The following NPHP3 variants were observed in gnomAD, a reference collection of about 807,000 sequenced individuals.
NPHP3 encodes nephrocystin 3, also known as nephrocystin-3.
Under a neutral mutation model 171.9 loss-of-function variants are expected in NPHP3, and 123 were observed. That is an observed-to-expected ratio of 0.72 (90% CI 0.62 to 0.83). The LOEUF (loss-of-function observed/expected upper bound fraction) is 0.83, where lower values mean the gene tolerates loss of function less well. NPHP3 is among the 40% of genes least tolerant of loss of function. The pLI, the probability that NPHP3 is intolerant of heterozygous loss-of-function variation, is 0.00. For missense variants in NPHP3, 1,506 were observed against 1,591.9 expected, an observed-to-expected ratio of 0.95 and a Z score of 0.92; for synonymous variants, 558 against 579.2, an observed-to-expected ratio of 0.96 and a Z score of 0.52.
chr3:132,704,679 C>T (rs960322878), intron 8 of NPHP3, among the ~76,000 whole-genome samples: 3 of 152,014 alleles, frequency 2.0e-5, no homozygotes, highest in African/African-American at 7.3e-5. Context: ...TTGTATCTGG[C>T]TGGTGAATAG....
intron 6 of NPHP3, among the ~76,000 whole-genome samples, chr3:132,709,371 C>T (rs781400173): frequency 1.4e-5 from 2 of 143,540 alleles, no homozygotes; most frequent in African/African-American, 2.5e-5. Context: ...CAGCTTTAAC[C>T]TCCTGGGCTC....
At chr3:132,696,119 CTT>C (rs11287660) in intron 15 of NPHP3, among the ~76,000 whole-genome samples, 1 of 145,520 alleles carries the variant, frequency 6.9e-6, no homozygotes, top group African/African-American at 2.5e-5. Flanking sequence ...ATGTATTAAT[CTT>C]TTTTTTTTTT....
Position 132,721,985 on chromosome 3 carries a change from T to C in NPHP3, c.371A>G (p.Lys124Arg). 1 of 1,613,090 alleles carries C rather than the reference T, an allele frequency of 6.2e-7. No individual in the cohort carries two copies. The highest frequency in any genetic ancestry group is 1.3e-5 in the African/African-American group (1 of 75,052). Residue 124 changes from lysine (K) to arginine (R), a missense_variant, in exon 1 of 27, where the codon AAG becomes AGG. Physicochemically the swap from Lys to Arg is conservative, Grantham distance 26. Coordinates refer to ENST00000337331, the MANE Select transcript of NPHP3 (RefSeq NM_153240.5). Reference protein sequence around the residue: ...RREAKLDTENKRLRAELQALQ... With the variant: ...RREAKLDTENRRLRAELQALQ... ...TACCTGCAGTTCGGCCCGCAGCCGCTTGTTCTCCGTGTCCAGCTTGGCCTC... is the reference window on the plus strand; with the variant it reads ...TACCTGCAGTTCGGCCCGCAGCCGCCTGTTCTCCGTGTCCAGCTTGGCCTC...
chr3:132,692,161 G>A (rs116210047), intron 17 of NPHP3, among the ~76,000 whole-genome samples: 4,279 of 152,210 alleles, frequency 0.028, 183 homozygotes, highest in African/African-American at 0.096. Flanking sequence ...TTGTAGCCTG[G>A]GAGCAATAGG....
rs794727311 is a variant in NPHP3, at chr3:132,719,706, T to G, written c.518A>C (p.Lys173Thr). 1 of 1,555,402 alleles carries G rather than the reference T, an allele frequency of 6.4e-7. No homozygotes were observed. The highest frequency in any genetic ancestry group is 1.8e-5 in the Admixed American group (1 of 55,780). Residue 173 changes from lysine to threonine, a missense_variant and splice_region_variant, in exon 2 of 27, where the codon AAG (lysine) becomes ACG (threonine). Physicochemically the swap from Lys to Thr is moderately conservative, Grantham distance 78. Around this residue, in one of 3 missense-constraint regions of NPHP3, gnomAD observed 930 missense variants for 924.9 expected, o/e 1.01. Coordinates refer to ENST00000337331, the MANE Select transcript of NPHP3 (RefSeq NM_153240.5). ...GGGGTAAAAATGTAAGGAATTTACC[T>G]TGAATTGCCTTTTAACTTTATCTCT... ...HDRDKVKRQF[K>T]IFRETKENEI...
chr3:132,682,503 T>C, intron 26 of NPHP3, 200 bp downstream of exon 26: 1 of 597,520 alleles, frequency 1.7e-6, no homozygotes. Flanking sequence ...GATGCATACA[T>C]ATGCTCCTCT....
At chr3:132,685,723 T>C (rs141277031) in intron 23 of NPHP3, 1 of 155,384 alleles carries the variant, frequency 6.4e-6, no homozygotes, top group African/African-American at 2.4e-5. Context: ...ATATATAAAA[T>C]ACACCAGGGA....
intron 6 of NPHP3, 32 bp from the exon 7 acceptor site, chr3:132,708,289 AC>A: frequency 6.2e-7 from 1 of 1,607,000 alleles, no homozygotes; most frequent in Non-Finnish European, 8.5e-7. Context: ...TGTGTGCTAT[AC>A]TGCATTGTGG....
rs1939334269 is a variant in NPHP3, at chr3:132,692,830, A to C, written c.2311-12T>G. On this transcript the variant is annotated splice_polypyrimidine_tract_variant and intron_variant, in intron 16 of 26. Coordinates refer to ENST00000337331, the MANE Select transcript of NPHP3 (RefSeq NM_153240.5). ...ACAAGGCAGAGGATCTAGGTAGAAA[A>C]ACAAATTAACAGTAATCATAAAGCA... The C allele has an allele frequency of 1.2e-6, 2 of 1,612,214 alleles. No homozygotes were observed. The highest frequency in any genetic ancestry group is 1.7e-6 in the Non-Finnish European group (2 of 1,178,354).
intron 6 of NPHP3, among the ~76,000 whole-genome samples, chr3:132,709,272 CTTTTTTTTTTTTT>C (rs3046397): frequency 1.1e-4 from 8 of 75,966 alleles, no homozygotes; most frequent in African/African-American, 3.9e-4. Context: ...CTTTCTCTCC[CTTTTTTTTTTTTT>C]TTTTTTTTTT....
intron 26 of NPHP3, 145 bp from the exon 27 acceptor site, chr3:132,682,235 A>G (rs1282403126): frequency 2.8e-6 from 2 of 705,868 alleles, no homozygotes; most frequent in East Asian, 2.7e-5. Context: ...GCAGACCAGT[A>G]AAACAACACC....
In NPHP3 at chr3:132,716,826, ACTG is replaced by A; in HGVS notation, c.751_753del (p.Gln251del). On this transcript the variant is annotated inframe_deletion, in exon 4 of 27. Coordinates refer to ENST00000337331, the MANE Select transcript of NPHP3 (RefSeq NM_153240.5). The stretch of plus-strand genomic sequence containing the variant: ...TGGGCAAACTCAGGGCCTCTGAAGG[ACTG>A]CTGAAGCTGGATCATGCTTCCTATG... 6.2e-7 allele frequency: 1 copy of A among 1,614,204 alleles called. No homozygotes were observed. Among genetic ancestry groups the A allele is most frequent in the Non-Finnish European group, 8.5e-7 (1 of 1,180,018 alleles).
chr3:132,702,912 T>A lies in NPHP3; in HGVS notation c.1524+1286A>T, dbSNP rs207463726. Among the ~76,000 whole-genome samples, 9 of 152,280 alleles carry A rather than the reference T, an allele frequency of 5.9e-5. No homozygotes were observed. The South Asian group carries it at 1.7e-3, about 28-fold the overall frequency. The stretch of plus-strand genomic sequence containing the variant: ...TCCATGCTTCCCAGGTTAAGACCCA[T>A]GGCTATAAAAGAAAAACCATAGGAT... On this transcript the variant is annotated intron_variant, in intron 9 of 26. Coordinates refer to ENST00000337331, the MANE Select transcript of NPHP3 (RefSeq NM_153240.5).
chr3:132,711,543 T>C (rs1939908850), intron 6 of NPHP3, among the ~76,000 whole-genome samples: 1 of 152,080 alleles, frequency 6.6e-6, no homozygotes, highest in Non-Finnish European at 1.5e-5. Flanking sequence ...ATGTATACAA[T>C]GTTTTATTAA....
rs1325973595 is a variant in NPHP3 at position 132,681,858 on chromosome 3, G to A, written c.*52C>T. On this transcript the variant is annotated 3_prime_UTR_variant, in exon 27 of 27. Coordinates refer to ENST00000337331, the MANE Select transcript of NPHP3 (RefSeq NM_153240.5). ...AGTTTCAAATTCAAATGTTCCAAAT[G>A]TTTAATTATTTTGTCTTAAGGTACA... is the stretch of plus-strand genomic sequence containing the variant. 1 of 1,496,006 alleles carries A rather than the reference G, an allele frequency of 6.7e-7. No individual in the cohort carries two copies. Among genetic ancestry groups the A allele is most frequent in the African/African-American group, 1.4e-5 (1 of 72,490 alleles). 92.7% of individuals were successfully genotyped at this position (1,496,006 alleles called of 1,614,324 possible). A position where few individuals can be genotyped will look rare whatever the true frequency, so the allele number is the denominator to read the frequency against.
rs1311481824 is a variant in NPHP3 at position 132,693,057 on chromosome 3, G to C, written c.2311-239C>G. On this transcript the variant is annotated intron_variant, in intron 16 of 26. Coordinates refer to ENST00000337331, the MANE Select transcript of NPHP3 (RefSeq NM_153240.5). ...AAAGATAACACTCTTACAGAAAAAA[G>C]TACAGTGAAAATTAAAACTGCATAA... The C allele has an allele frequency of 1.3e-5, 6 of 470,876 alleles. 1 individual carries two copies. The highest frequency in any genetic ancestry group is 2.3e-5 in the Non-Finnish European group (6 of 266,218). 29.2% of individuals were successfully genotyped at this position (470,876 alleles called of 1,614,324 possible). A position where few individuals can be genotyped will look rare whatever the true frequency, so the allele number is the denominator to read the frequency against.
Position 132,700,437 on chromosome 3 carries a change from T to C in NPHP3, c.1640A>G (p.Gln547Arg). 6.2e-7 allele frequency: 1 copy of C among 1,600,384 alleles called. No individual in the cohort carries two copies. The highest frequency in any genetic ancestry group is 8.5e-7 in the Non-Finnish European group (1 of 1,170,198). ...CAGTGTGTTGGGGGAATTCTTCTGTTGTAATTGAATCCTGAAAGAAAAAGA... is the reference window on the plus strand; with the variant it reads ...CAGTGTGTTGGGGGAATTCTTCTGTCGTAATTGAATCCTGAAAGAAAAAGA... ...SLLLSKWIQLQQKNSPNTLIL... is the reference protein window; with the variant it reads ...SLLLSKWIQLRQKNSPNTLIL... Residue 547 changes from glutamine (Q) to arginine (R), a missense_variant, in exon 11 of 27, where the codon CAA (glutamine) becomes CGA (arginine). Coordinates refer to ENST00000337331, the MANE Select transcript of NPHP3 (RefSeq NM_153240.5).
At position 132,704,267 on chromosome 3, in the gene NPHP3, A is replaced by G; in HGVS notation, c.1455T>C (p.His485=). 1 of 1,614,180 alleles carries G rather than the reference A, an allele frequency of 6.2e-7. No individual in the cohort carries two copies. The highest frequency in any genetic ancestry group is 2.2e-5 in the East Asian group (1 of 44,878). Residue 485 remains histidine (H), a synonymous_variant, in exon 9 of 27, where the codon CAT becomes CAC. Transcript: ENST00000337331. ...DDFGDVLWDI[H]DEQEQMETFQ... ...AAGTTTCCATTTGCTCTTGTTCATC[A>G]TGTATGTCCCACAGAACATCACCAA...
chr3:132,719,917 T>G, intron 1 of NPHP3, 87 bp from the exon 2 acceptor site: 1 of 497,732 alleles, frequency 2.0e-6, no homozygotes, highest in Non-Finnish European at 3.0e-6. Context: ...TATATATATA[T>G]ATGTTACGTA....
Sources: gnomAD v4.1 joint callset for allele counts (sites outside exome capture counted in the v4.1 genomes callset) on GRCh38, gnomAD v4.1.1 for gene constraint, gnomAD v4.1.1 regional missense constraint, MANE v1.5 for transcripts, NCBI Gene and HGNC (gene_info 2026-07-23, HGNC 2026-07-21) for gene names.